Variants in EPN2 observed in about 807,000 individuals in gnomAD.
EPN2 encodes epsin 2, also known as epsin-2.
Under a neutral mutation model 61.7 loss-of-function variants are expected in EPN2, and 34 were observed. The ratio of observed to expected loss-of-function variants is 0.55; its 90% CI spans 0.42 to 0.73. The LOEUF (loss-of-function observed/expected upper bound fraction) is 0.73. Ranked by LOEUF, EPN2 falls within the 30% of genes least tolerant of loss-of-function variation. The pLI is 0.00. For synonymous variants in EPN2, 349 were observed against 353.6 expected (o/e 0.99, Z 0.15); for missense variants, 714 against 839.2 (o/e 0.85, Z 1.84).
intron 2 of EPN2, 42 bp from the exon 3 acceptor site, chr17:19,282,907 AG>A: frequency 1.9e-6 from 1 of 521,694 alleles, no homozygotes; most frequent in Non-Finnish European, 3.4e-6. Flanking sequence ...CCACCCTCAC[AG>A]GGGGCTTACG....
intron 9 of EPN2, 92 bp from the exon 10 acceptor site, chr17:19,331,761 C>A: frequency 9.2e-7 from 1 of 1,092,626 alleles, no homozygotes; most frequent in South Asian, 1.3e-5. Flanking sequence ...GTCAGGCAGG[C>A]ATGTCCCCAG....
At chr17:19,266,909 G>A (rs899554232) in intron 1 of EPN2, among the ~76,000 whole-genome samples, 3 of 148,536 alleles carry the variant, frequency 2.0e-5, no homozygotes, top group Non-Finnish European at 3.0e-5. Flanking sequence ...TGAACCTGCC[G>A]GGCACGGTGG....
intron 4 of EPN2, among the ~76,000 whole-genome samples, chr17:19,288,747 G>T (rs531064372): frequency 3.9e-5 from 6 of 152,206 alleles, no homozygotes; most frequent in Non-Finnish European, 7.4e-5. Context: ...AGTCCATCCA[G>T]ACGGGTCCTT....
At chr17:19,326,855 CA>C (rs1906900006) in intron 7 of EPN2, among the ~76,000 whole-genome samples, 1 of 152,006 alleles carries the variant, frequency 6.6e-6, no homozygotes, top group African/African-American at 2.4e-5. Context: ...AGAAGGTAAC[CA>C]TAAGGGACGA....
At chr17:19,329,794 A>C (rs889430024) in intron 9 of EPN2, 147 bp downstream of exon 9, 1 of 604,602 alleles carries the variant, frequency 1.7e-6, no homozygotes, top group Non-Finnish European at 2.9e-6. Flanking sequence ...TTCTAATTCT[A>C]AGAATTCATA....
chr17:19,300,866 A>C (rs547661845), intron 4 of EPN2, among the ~76,000 whole-genome samples: 5 of 152,304 alleles, frequency 3.3e-5, no homozygotes, highest in Admixed American at 2.0e-4. Flanking sequence ...TCCAGGTATC[A>C]AGGTGTTAAG....
intron 5 of EPN2, among the ~76,000 whole-genome samples, 164 bp from the exon 6 acceptor site, chr17:19,311,886 TAC>T (rs1283887420): frequency 2.6e-5 from 4 of 152,266 alleles, no homozygotes; most frequent in Non-Finnish European, 5.9e-5. Flanking sequence ...GCCTTCTGGG[TAC>T]ACACACATTT....
intron 7 of EPN2, among the ~76,000 whole-genome samples, chr17:19,324,031 T>G (rs1458874202): frequency 6.6e-6 from 1 of 152,206 alleles, no homozygotes; most frequent in Non-Finnish European, 1.5e-5. Flanking sequence ...ATAAGAAAAT[T>G]TGAGCGGCAC....
In EPN2 at chr17:19,277,889, G is replaced by A. The variant is rs910342125; in HGVS notation, c.-293-4066G>A. On this transcript the variant is annotated intron_variant, in intron 1 of 10. Transcript: ENST00000314728. ...AGATCGAGACCATCCTGGCTAACAC[G>A]GTGAAACCTCGTCTCCACTAAAAAT... is the stretch of plus-strand genomic sequence containing the variant. 3.3e-5 allele frequency among the ~76,000 whole-genome samples: 5 copies of A among 151,998 alleles called. No homozygotes were observed. In the East Asian group the frequency reaches 5.8e-4, roughly 18 times the overall value.
intron 7 of EPN2, among the ~76,000 whole-genome samples, chr17:19,319,941 T>A (rs990333570): frequency 6.6e-6 from 1 of 152,234 alleles, no homozygotes; most frequent in African/African-American, 2.4e-5. Flanking sequence ...GCGTTGGGAT[T>A]ACACCATGCC....
chr17:19,241,835 T>C (rs1222511027), intron 1 of EPN2, among the ~76,000 whole-genome samples: 1 of 152,112 alleles, frequency 6.6e-6, no homozygotes, highest in Non-Finnish European at 1.5e-5. Context: ...TTAAGTAAGC[T>C]GTGAGGAACT....
intron 4 of EPN2, among the ~76,000 whole-genome samples, chr17:19,294,250 G>A (rs995812107): frequency 1.8e-5 from 1 of 55,934 alleles, no homozygotes; most frequent in Non-Finnish European, 3.4e-5. Context: ...AAACCCCATC[G>A]CTACAAAAAA....
intron 1 of EPN2, among the ~76,000 whole-genome samples, chr17:19,239,442 A>G (rs900830418): frequency 6.6e-6 from 1 of 152,048 alleles, no homozygotes; most frequent in African/African-American, 2.4e-5. Context: ...GTGAGCCAAC[A>G]CTCCCGGCCT....
intron 4 of EPN2, among the ~76,000 whole-genome samples, chr17:19,293,173 G>T (rs764277870): frequency 1.1e-4 from 17 of 152,082 alleles, no homozygotes; most frequent in Non-Finnish European, 1.3e-4. Flanking sequence ...GAGGCCAGGA[G>T]TTCGAGGCCA....
intron 1 of EPN2, among the ~76,000 whole-genome samples, chr17:19,242,314 A>G (rs895723921): frequency 6.6e-6 from 1 of 152,118 alleles, no homozygotes; most frequent in Non-Finnish European, 1.5e-5. Context: ...AGTGGCATAC[A>G]CCTGTAGTCC....
intron 7 of EPN2, among the ~76,000 whole-genome samples, chr17:19,327,974 T>C (rs1906965515): frequency 6.6e-6 from 1 of 152,260 alleles, no homozygotes; most frequent in Non-Finnish European, 1.5e-5. Context: ...TCTGTGTCTA[T>C]ACATAAAGAT....
chr17:19,287,304 C>T (rs557105687), intron 4 of EPN2, among the ~76,000 whole-genome samples: 1 of 152,028 alleles, frequency 6.6e-6, no homozygotes. Flanking sequence ...TTTATGTTGT[C>T]CTTCAGCCCT....
At chr17:19,279,691 T>C (rs1332730831) in intron 1 of EPN2, among the ~76,000 whole-genome samples, 1 of 151,762 alleles carries the variant, frequency 6.6e-6, no homozygotes, top group Non-Finnish European at 1.5e-5. Flanking sequence ...TGCCTCAGCC[T>C]CCCAAAGTGC....
chr17:19,260,983 T>G (rs1275284610), intron 1 of EPN2, among the ~76,000 whole-genome samples: 1 of 152,192 alleles, frequency 6.6e-6, no homozygotes, highest in East Asian at 1.9e-4. Flanking sequence ...CACTGTGAAG[T>G]TGTCCCTGTT....
Sources: gnomAD v4.1 joint callset for allele counts (sites outside exome capture counted in the v4.1 genomes callset) on GRCh38, gnomAD v4.1.1 for gene constraint, MANE v1.5 for transcripts, NCBI Gene and HGNC (gene_info 2026-07-23, HGNC 2026-07-21) for gene names.